The following COL11A1 variants were observed in gnomAD, a reference collection of about 807,000 sequenced individuals.
The protein encoded by COL11A1 is collagen type XI alpha 1 chain.
COL11A1 carries 74 observed loss-of-function variants against 265.2 expected under a neutral mutation model. The ratio of observed to expected loss-of-function variants is 0.28; its 90% CI spans 0.23 to 0.34. The LOEUF is 0.34. COL11A1 is among the 10% of genes least tolerant of loss of function. COL11A1 has a pLI of 1.00. For synonymous variants in COL11A1, 816 were observed against 727.6 expected, an observed-to-expected ratio of 1.12 and a Z score of -1.96; for missense variants, 2,165 against 2,263.6, an observed-to-expected ratio of 0.96 and a Z score of 0.88.
At chr1:103,034,925 A>G (rs1417758117) in intron 4 of COL11A1, among the ~76,000 whole-genome samples, 1 of 152,094 alleles carries the variant, frequency 6.6e-6, no homozygotes, top group Non-Finnish European at 1.5e-5. Context: ...GTAATTCTCT[A>G]AGTAAGTAGT....
At chr1:102,935,146 G>A (rs2101223155) in intron 44 of COL11A1, 33 bp from the exon 45 acceptor site, 2 of 1,587,598 alleles carry the variant, frequency 1.3e-6, no homozygotes, top group South Asian at 1.1e-5. Context: ...AATTTTTAAA[G>A]TGAAGCCAGA....
chr1:103,065,522 CAAAAAAAAAAAA>C (rs138446065), intron 4 of COL11A1, among the ~76,000 whole-genome samples: 3 of 35,350 alleles, frequency 8.5e-5, no homozygotes, highest in Non-Finnish European at 1.3e-4. Flanking sequence ...GACTCCGTCT[CAAAAAAAAAAAA>C]AAAAAAAAAA....
Position 103,048,340 on chromosome 1 carries a change from A to T in COL11A1, c.652-17096T>A, listed in dbSNP as rs568454505. On this transcript the variant is annotated intron_variant, in intron 4 of 66. Coordinates refer to ENST00000370096, the MANE Select transcript of COL11A1 (RefSeq NM_001854.4). ...TCCTGGTTTATTCTTGGGAGGATGT[A>T]TGTGTCGAGGAATTTATCCATTTCT... Among the ~76,000 whole-genome samples, 26 of 152,278 alleles carry T rather than the reference A, an allele frequency of 1.7e-4. No homozygotes were observed. The South Asian group carries it at 5.2e-3, about 30-fold the overall frequency.
chr1:102,877,882 G>C lies in COL11A1; in HGVS notation c.*137C>G. The C allele has an allele frequency of 1.2e-6, 1 of 806,152 alleles. No homozygotes were observed. The highest frequency in any genetic ancestry group is 2.1e-6 in the Non-Finnish European group (1 of 477,798). The allele number at this position is 806,152 out of a possible 1,614,324, so 49.9% of individuals were successfully genotyped here. ...GTGATTCTGCCCCCACAAAGGCATC[G>C]GTATTTCCTAAATGGTACCTGTATA... On this transcript the variant is annotated 3_prime_UTR_variant, in exon 67 of 67. Transcript: ENST00000370096.
chr1:103,043,668 T>A (rs1296305546), intron 4 of COL11A1, among the ~76,000 whole-genome samples: 1 of 152,150 alleles, frequency 6.6e-6, no homozygotes, highest in African/African-American at 2.4e-5. Flanking sequence ...TTAAGCTGTT[T>A]ATAAACTGTA....
rs781681004 is a variant in COL11A1 at position 102,996,086 on chromosome 1, G to C, written c.2242-44C>G. On this transcript the variant is annotated intron_variant, in intron 26 of 66. Transcript: ENST00000370096. ...CACTTATACGTGTAATAAATTGAAAGTGCTACTCATTTACATACTATAATT... is the reference window on the plus strand; with the variant it reads ...CACTTATACGTGTAATAAATTGAAACTGCTACTCATTTACATACTATAATT... The C allele has an allele frequency of 3.2e-6, 5 of 1,580,182 alleles. No individual in the cohort carries two copies. In the South Asian group the frequency reaches 3.3e-5, roughly 11 times the overall value.
At chr1:102,915,279 A>C (rs546531506) in intron 50 of COL11A1, among the ~76,000 whole-genome samples, 9 of 152,274 alleles carry the variant, frequency 5.9e-5, no homozygotes, top group Admixed American at 2.6e-4. Flanking sequence ...GTTTTAAACT[A>C]ATTAGAATAA....
intron 18 of COL11A1, 128 bp downstream of exon 18, chr1:103,005,710 A>G (rs1665532167): frequency 2.0e-6 from 2 of 1,017,736 alleles, no homozygotes; most frequent in South Asian, 2.8e-5. Context: ...TCTAGTATCT[A>G]TTAGATTATT....
intron 54 of COL11A1, among the ~76,000 whole-genome samples, chr1:102,904,927 T>A (rs1653730459): frequency 1.3e-5 from 2 of 152,086 alleles, no homozygotes; most frequent in Admixed American, 1.3e-4. Flanking sequence ...TGCACACATA[T>A]GTTTATAGCG....
chr1:102,979,748 T>C (rs140200002), intron 31 of COL11A1: 2 of 376,490 alleles, frequency 5.3e-6, no homozygotes, highest in African/African-American at 2.1e-5. Context: ...TGTATTGCAA[T>C]GTAAAATTCT....
intron 46 of COL11A1, among the ~76,000 whole-genome samples, chr1:102,923,671 A>C (rs1047936738): frequency 6.6e-6 from 1 of 152,072 alleles, no homozygotes; most frequent in Non-Finnish European, 1.5e-5. Context: ...ATTTATGAAC[A>C]CCCAACCATT....
At chr1:102,948,369 T>C (rs1487020860) in intron 41 of COL11A1, among the ~76,000 whole-genome samples, 1 of 152,100 alleles carries the variant, frequency 6.6e-6, no homozygotes, top group African/African-American at 2.4e-5. Flanking sequence ...AAGAGAACCC[T>C]GAGCTTGGAC....
chr1:103,067,531 G>A (rs13374456), intron 4 of COL11A1, among the ~76,000 whole-genome samples: 10,943 of 151,712 alleles, frequency 0.072, 561 homozygotes, highest in African/African-American at 0.14. Context: ...TGGGAAAAAA[G>A]CAAATCTCGA....
chr1:102,997,612 T>C (rs1361373136), intron 25 of COL11A1, among the ~76,000 whole-genome samples: 2 of 151,910 alleles, frequency 1.3e-5, no homozygotes, highest in Non-Finnish European at 2.9e-5. Flanking sequence ...TAAAAATGTA[T>C]AGCCATATCA....
rs374625601 is a variant in COL11A1, at chr1:102,914,772, G to C, written c.3856C>G (p.Pro1286Ala). ...GERGEKGEAG[P>A]PGAAGPPGAK... ...CCTGGAGGTCCAGCAGCTCCAGGTG[G>C]ACCAGCTTCCCCTTTCTCTCCTCTT... Residue 1286 changes from proline to alanine, a missense_variant, in exon 51 of 67, where the codon CCA (proline) becomes GCA (alanine). Transcript: ENST00000370096. 4 of 1,612,414 alleles carry C rather than the reference G, an allele frequency of 2.5e-6. No homozygotes were observed. The African/African-American group carries it at 5.4e-5, about 22-fold the overall frequency.
intron 28 of COL11A1, among the ~76,000 whole-genome samples, chr1:102,992,056 C>G (rs1664191494): frequency 6.6e-6 from 1 of 152,040 alleles, no homozygotes; most frequent in South Asian, 2.1e-4. Context: ...GTCTAAAAAT[C>G]ACTTATAGAC....
chr1:103,072,491 ATCTCC>A, intron 4 of COL11A1, among the ~76,000 whole-genome samples: 1 of 151,858 alleles, frequency 6.6e-6, no homozygotes, highest in East Asian at 1.9e-4. Context: ...TACAATTTCT[ATCTCC>A]TGTCATTTTC....
intron 7 of COL11A1, among the ~76,000 whole-genome samples, chr1:103,025,010 T>C (rs1425656521): frequency 6.6e-6 from 1 of 152,210 alleles, no homozygotes; most frequent in Non-Finnish European, 1.5e-5. Flanking sequence ...ATTAGTTTAA[T>C]AAGAATTAAT....
chr1:103,037,145 T>TAC (rs1668438127), intron 4 of COL11A1, among the ~76,000 whole-genome samples: 1 of 149,246 alleles, frequency 6.7e-6, no homozygotes, highest in South Asian at 2.1e-4. Context: ...TATAATTTTA[T>TAC]ATATATATAT....
Sources: gnomAD v4.1 joint callset for allele counts (sites outside exome capture counted in the v4.1 genomes callset) on GRCh38, gnomAD v4.1.1 for gene constraint, MANE v1.5 for transcripts, NCBI Gene and HGNC (gene_info 2026-07-23, HGNC 2026-07-21) for gene names.